MAPK10: variants seen among roughly 807,000 people sequenced by gnomAD.
MAPK10 encodes the protein mitogen-activated protein kinase 10.
In MAPK10, 25 loss-of-function variants were observed where a neutral mutation model predicts 59.3. The observed-to-expected ratio is 0.42, with a 90% CI of 0.31 to 0.59. The LOEUF (loss-of-function observed/expected upper bound fraction) is 0.59. Among genes scored for constraint, MAPK10 ranks in the 20% least tolerant of loss-of-function variants. The pLI, the probability that MAPK10 is intolerant of heterozygous loss-of-function variation, is 0.15. For missense variants in MAPK10, 351 were observed against 568.9 expected (o/e 0.62, Z 3.90); for synonymous variants, 190 against 200.5 (o/e 0.95, Z 0.44).
At chr4:86,549,561 A>T (rs1759590855) in intron 1 of MAPK10, among the ~76,000 whole-genome samples, 1 of 152,224 alleles carries the variant, frequency 6.6e-6, no homozygotes, top group South Asian at 2.1e-4. Context: ...GCTCTGAGTG[A>T]GTCAGTGAGT....
chr4:86,397,886 A>C (rs1020799350), intron 1 of MAPK10, among the ~76,000 whole-genome samples: 51 of 151,562 alleles, frequency 3.4e-4, no homozygotes, highest in East Asian at 2.1e-3. Flanking sequence ...AAAAAAAAAA[A>C]AAAACTGGCT....
At chr4:86,212,185 T>C (rs1007328079) in intron 2 of MAPK10, among the ~76,000 whole-genome samples, 1 of 152,040 alleles carries the variant, frequency 6.6e-6, no homozygotes, top group African/African-American at 2.4e-5. Flanking sequence ...TCCAACTATA[T>C]GCTATCTATG....
chr4:86,215,951 A>G (rs895096016), intron 2 of MAPK10, among the ~76,000 whole-genome samples: 1 of 152,180 alleles, frequency 6.6e-6, no homozygotes, highest in Non-Finnish European at 1.5e-5. Context: ...CCAAACAATC[A>G]AAACTACAGA....
chr4:86,266,703 G>C (rs141722785), intron 2 of MAPK10, among the ~76,000 whole-genome samples: 94 of 152,192 alleles, frequency 6.2e-4, no homozygotes, highest in African/African-American at 2.2e-3. Context: ...AAATGAACCA[G>C]AATTTTGAGA....
At chr4:86,347,129 A>T (rs1032889551) in intron 2 of MAPK10, among the ~76,000 whole-genome samples, 7 of 152,204 alleles carry the variant, frequency 4.6e-5, no homozygotes, top group Non-Finnish European at 7.4e-5. Flanking sequence ...TACAAATAGA[A>T]AGAAAACTTT....
At chr4:86,076,365 A>G (rs1253415392) in intron 9 of MAPK10, among the ~76,000 whole-genome samples, 2 of 152,138 alleles carry the variant, frequency 1.3e-5, no homozygotes, top group Non-Finnish European at 2.9e-5. Flanking sequence ...TGCGTCGCTC[A>G]CGCTGGGAGC....
intron 1 of MAPK10, among the ~76,000 whole-genome samples, chr4:86,591,398 G>A (rs1763037304): frequency 1.3e-5 from 2 of 151,930 alleles, no homozygotes; most frequent in Non-Finnish European, 2.9e-5. Context: ...TTTTGAGACA[G>A]GATCTCACTC....
chr4:86,353,134 T>A (rs982225658), intron 2 of MAPK10, among the ~76,000 whole-genome samples: 1 of 147,392 alleles, frequency 6.8e-6, no homozygotes, highest in Admixed American at 6.8e-5. Flanking sequence ...CTCTACCACA[T>A]CCGTGGTAGA....
At chr4:86,245,699 A>AC (rs2093041548) in intron 2 of MAPK10, among the ~76,000 whole-genome samples, 1 of 152,090 alleles carries the variant, frequency 6.6e-6, no homozygotes, top group African/African-American at 2.4e-5. Context: ...TTGTGGGTCT[A>AC]CCACTCAAGA....
chr4:86,463,563 A>G (rs1751938008), intron 1 of MAPK10, among the ~76,000 whole-genome samples: 1 of 152,232 alleles, frequency 6.6e-6, no homozygotes, highest in South Asian at 2.1e-4. Context: ...GCTTAATTAT[A>G]GCTCCTGACA....
chr4:86,036,744 C>T (rs2040391658), intron 11 of MAPK10, among the ~76,000 whole-genome samples: 1 of 152,166 alleles, frequency 6.6e-6, no homozygotes, highest in Admixed American at 6.5e-5. Context: ...AATAGGGTGA[C>T]CATATTTCCC....
chr4:86,132,687 C>T (rs1158899020), intron 4 of MAPK10, among the ~76,000 whole-genome samples: 3 of 152,134 alleles, frequency 2.0e-5, no homozygotes, highest in African/African-American at 4.8e-5. Flanking sequence ...AGCTCTGTCC[C>T]CTGTGAAATC....
At chr4:86,210,889 C>T (rs1235721848) in intron 2 of MAPK10, among the ~76,000 whole-genome samples, 2 of 150,442 alleles carry the variant, frequency 1.3e-5, no homozygotes, top group African/African-American at 2.4e-5. Flanking sequence ...AAAGAAAAAT[C>T]CTAAAAAGGA....
chr4:86,516,531 A>T (rs548859334), intron 1 of MAPK10, among the ~76,000 whole-genome samples: 315 of 152,124 alleles, frequency 2.1e-3, no homozygotes, highest in Middle Eastern at 3.4e-3. Flanking sequence ...ATGTGTTTCC[A>T]TTTGTTTGTG....
At chr4:86,288,984 AAAAT>A in intron 2 of MAPK10, among the ~76,000 whole-genome samples, 1 of 152,278 alleles carries the variant, frequency 6.6e-6, no homozygotes, top group African/African-American at 2.4e-5. Flanking sequence ...AACAAAGAAT[AAAAT>A]AAATAAACAC....
chr4:86,496,495 C>T (rs1437584052), intron 1 of MAPK10, among the ~76,000 whole-genome samples: 2 of 152,124 alleles, frequency 1.3e-5, no homozygotes, highest in Non-Finnish European at 2.9e-5. Flanking sequence ...AGGAAAAATA[C>T]AGCCCTTTTG....
chr4:86,186,109 C>T (rs933819791), intron 3 of MAPK10, among the ~76,000 whole-genome samples: 1 of 152,092 alleles, frequency 6.6e-6, no homozygotes, highest in African/African-American at 2.4e-5. Context: ...TGTGCCAGTA[C>T]TGCTCTCAGT....
At chr4:86,525,598 A>C (rs1034894132) in intron 1 of MAPK10, among the ~76,000 whole-genome samples, 1 of 152,186 alleles carries the variant, frequency 6.6e-6, no homozygotes, top group Non-Finnish European at 1.5e-5. Flanking sequence ...AGTTGTCTTT[A>C]TTCAGTTTCA....
chr4:86,562,421 G>T (rs1760748032), intron 1 of MAPK10, among the ~76,000 whole-genome samples: 3 of 152,114 alleles, frequency 2.0e-5, no homozygotes, highest in African/African-American at 7.2e-5. Flanking sequence ...GGGTACAGTG[G>T]CTCACACCTA....
Sources: gnomAD v4.1 joint callset for allele counts (sites outside exome capture counted in the v4.1 genomes callset) on GRCh38, gnomAD v4.1.1 for gene constraint, MANE v1.5 for transcripts, NCBI Gene and HGNC (gene_info 2026-07-23, HGNC 2026-07-21) for gene names.